Variants in CSMD3 observed in about 807,000 individuals in gnomAD.
The protein encoded by CSMD3 is CUB and Sushi multiple domains 3.
In CSMD3, 177 loss-of-function variants were observed where a neutral mutation model predicts 435.2. The ratio of observed to expected loss-of-function variants is 0.41; its 90% confidence interval spans 0.36 to 0.46. CSMD3 has a LOEUF of 0.46. Ranked by LOEUF, CSMD3 falls within the 20% of genes least tolerant of loss-of-function variation. CSMD3 has a pLI of 0.34. For missense variants in CSMD3, 4,265 were observed against 4,504.6 expected, an observed-to-expected ratio of 0.95 and a Z score of 1.52; for synonymous variants, 1,656 against 1,520.5, an observed-to-expected ratio of 1.09 and a Z score of -2.07.
At chr8:113,311,310 T>C (rs1374923931) in intron 2 of CSMD3, 1 of 152,034 alleles carries the variant, frequency 6.6e-6, no homozygotes, top group East Asian at 1.9e-4. Flanking sequence ...GAAAAACAAG[T>C]AATATCATTA....
chr8:113,392,073 G>A (rs2094463417), intron 1 of CSMD3, among the ~76,000 whole-genome samples: 1 of 151,948 alleles, frequency 6.6e-6, no homozygotes, highest in African/African-American at 2.4e-5. Flanking sequence ...GACAAAACCA[G>A]TACTCAAAGT....
chr8:112,237,498 AT>A, intron 66 of CSMD3, 150 bp from the exon 67 acceptor site: 2 of 672,312 alleles, frequency 3.0e-6, no homozygotes, highest in Non-Finnish European at 5.1e-6. Context: ...TCATATAAAA[AT>A]GTTTCCATTT....
chr8:112,871,902 A>G (rs2081146539), intron 10 of CSMD3, among the ~76,000 whole-genome samples: 2 of 152,144 alleles, frequency 1.3e-5, no homozygotes, highest in Non-Finnish European at 2.9e-5. Flanking sequence ...TAAGGATTTA[A>G]GTAACGTATA....
intron 29 of CSMD3, among the ~76,000 whole-genome samples, chr8:112,504,846 GT>G (rs1252950415): frequency 1.3e-5 from 2 of 152,064 alleles, no homozygotes; most frequent in Admixed American, 6.6e-5. Context: ...GAAATATGGG[GT>G]AAAGGATAGA....
intron 11 of CSMD3, among the ~76,000 whole-genome samples, chr8:112,845,496 G>A (rs1056635260): frequency 3.3e-5 from 5 of 152,006 alleles, no homozygotes; most frequent in Non-Finnish European, 5.9e-5. Context: ...CAGAAGGAGC[G>A]GCTTATCCCC....
chr8:112,558,330 A>G (rs1415556291), intron 24 of CSMD3, among the ~76,000 whole-genome samples: 1 of 151,868 alleles, frequency 6.6e-6, no homozygotes, highest in African/African-American at 2.4e-5. Context: ...CCTGCCCCAT[A>G]CCCTGGAAAG....
At chr8:112,361,292 A>T (rs1827177368) in intron 38 of CSMD3, among the ~76,000 whole-genome samples, 1 of 151,728 alleles carries the variant, frequency 6.6e-6, no homozygotes, top group Admixed American at 6.6e-5. Context: ...AAAAAGAAAA[A>T]TCAGAAATGA....
rs11984540 is a variant in CSMD3 at position 112,351,157 on chromosome 8, T to C, written c.6325+18A>G. 10,590 of 1,441,366 alleles carry C rather than the reference T, an allele frequency of 7.3e-3. 641 individuals carry two copies. The African/African-American group carries it at 0.13, about 18-fold the overall frequency. 89.3% of individuals were successfully genotyped at this position (1,441,366 alleles called of 1,614,324 possible). On this transcript the variant is annotated intron_variant, in intron 40 of 70. Transcript: ENST00000297405. ...ACTTTAAGTTCTAGGGTAAATACTTTATAGTCTTTTAACTTACCTAAACAA... is the reference window on the plus strand; with the variant it reads ...ACTTTAAGTTCTAGGGTAAATACTTCATAGTCTTTTAACTTACCTAAACAA...
chr8:113,235,371 T>C (rs957952283), intron 3 of CSMD3, among the ~76,000 whole-genome samples: 1 of 152,058 alleles, frequency 6.6e-6, no homozygotes, highest in Non-Finnish European at 1.5e-5. Flanking sequence ...CCCATTCCAA[T>C]AGCCATAACT....
intron 13 of CSMD3, among the ~76,000 whole-genome samples, chr8:112,733,137 C>A (rs910911347): frequency 6.6e-6 from 1 of 152,026 alleles, no homozygotes; most frequent in African/African-American, 2.4e-5. Context: ...TGGAGAGTAG[C>A]CATAGCAAAC....
intron 69 of CSMD3, among the ~76,000 whole-genome samples, chr8:112,230,604 C>T (rs2129872671): frequency 6.6e-6 from 1 of 152,220 alleles, no homozygotes; most frequent in East Asian, 1.9e-4. Context: ...ACCTGGCCAA[C>T]ATGGTGAAGC....
chr8:112,833,000 T>G (rs141911870), intron 11 of CSMD3, among the ~76,000 whole-genome samples: 2 of 152,242 alleles, frequency 1.3e-5, no homozygotes, highest in African/African-American at 4.8e-5. Context: ...GGATTCTGGA[T>G]CTTGTTCTCT....
intron 10 of CSMD3, among the ~76,000 whole-genome samples, chr8:112,879,437 C>A (rs904980825): frequency 1.3e-5 from 2 of 152,146 alleles, no homozygotes; most frequent in East Asian, 1.9e-4. Context: ...GGGACATGGA[C>A]CCTCATTAGC....
At chr8:112,694,750 T>C (rs2076215146) in intron 13 of CSMD3, among the ~76,000 whole-genome samples, 1 of 152,130 alleles carries the variant, frequency 6.6e-6, no homozygotes, top group East Asian at 1.9e-4. Context: ...TTAATCACCA[T>C]GCTATTGTGG....
At chr8:112,593,090 C>T (rs1209867722) in intron 22 of CSMD3, among the ~76,000 whole-genome samples, 1 of 152,092 alleles carries the variant, frequency 6.6e-6, no homozygotes, top group Non-Finnish European at 1.5e-5. Flanking sequence ...GAGTGAAATA[C>T]TTGAATGAAA....
At chr8:112,346,869 G>A (rs1183742838) in intron 40 of CSMD3, among the ~76,000 whole-genome samples, 4 of 151,350 alleles carry the variant, frequency 2.6e-5, no homozygotes, top group African/African-American at 9.7e-5. Flanking sequence ...TAGTAGAGAC[G>A]GGGGTTTCAT....
intron 2 of CSMD3, chr8:113,309,751 A>G (rs1358487806): frequency 6.6e-6 from 1 of 152,218 alleles, no homozygotes; most frequent in East Asian, 1.9e-4. Context: ...CAAAATATCC[A>G]AAAAATAAGC....
At chr8:113,067,603 T>C (rs1271249553) in intron 5 of CSMD3, among the ~76,000 whole-genome samples, 3 of 152,148 alleles carry the variant, frequency 2.0e-5, no homozygotes, top group African/African-American at 7.2e-5. Flanking sequence ...ATGCCTTAAT[T>C]GAATGCATTC....
intron 12 of CSMD3, among the ~76,000 whole-genome samples, chr8:112,807,520 GT>G (rs1355985159): frequency 1.2e-4 from 18 of 148,756 alleles, no homozygotes; most frequent in Non-Finnish European, 2.1e-4. Flanking sequence ...AGGTAGGTAG[GT>G]AGGTAGGTAG....
Sources: gnomAD v4.1 joint callset for allele counts (sites outside exome capture counted in the v4.1 genomes callset) on GRCh38, gnomAD v4.1.1 for gene constraint, MANE v1.5 for transcripts, NCBI Gene and HGNC (gene_info 2026-07-23, HGNC 2026-07-21) for gene names.